The following KIF4A variants were observed in gnomAD, a reference collection of about 807,000 sequenced individuals.
KIF4A encodes chromosome-associated kinesin KIF4A.
KIF4A carries 7 observed loss-of-function variants against 105.9 expected under a neutral mutation model. The observed-to-expected ratio is 0.07, with a 90% confidence interval of 0.04 to 0.12. The LOEUF (loss-of-function observed/expected upper bound fraction) is 0.12. KIF4A is among the 10% of genes least tolerant of loss of function. The pLI is 1.00. For missense variants in KIF4A, 558 were observed against 929.2 expected (o/e 0.60, Z 5.19); for synonymous variants, 281 against 331.3 (o/e 0.85, Z 1.65).
At chrX:70,319,092 G>A (rs1256296313) in intron 7 of KIF4A, among the ~76,000 whole-genome samples, 8 of 110,950 alleles carry the variant, frequency 7.2e-5, no homozygotes, top group East Asian at 5.6e-4. Context: ...GTGAAACCCC[G>A]TCTCTACTAA....
At chrX:70,398,771 A>G (rs2147735800) in intron 22 of KIF4A, among the ~76,000 whole-genome samples, 1 of 112,223 alleles carries the variant, frequency 8.9e-6, no homozygotes, top group East Asian at 2.8e-4. Context: ...AGGACTCTAC[A>G]TTAGACCAGG....
At chrX:70,404,495 G>A (rs1238350297) in intron 24 of KIF4A, among the ~76,000 whole-genome samples, 5 of 104,077 alleles carry the variant, frequency 4.8e-5, no homozygotes, top group South Asian at 9.6e-4. Flanking sequence ...AGCCATGATC[G>A]TGCCATTGCA....
intron 20 of KIF4A, among the ~76,000 whole-genome samples, chrX:70,390,044 A>G (rs1395781581): frequency 8.9e-6 from 1 of 112,165 alleles, no homozygotes; most frequent in Non-Finnish European, 1.9e-5. Flanking sequence ...TCTCAGCAAC[A>G]TTTTAGTTTT....
chrX:70,332,054 A>G (rs1161580084), intron 9 of KIF4A, among the ~76,000 whole-genome samples: 3 of 112,241 alleles, frequency 2.7e-5, no homozygotes, highest in African/African-American at 9.7e-5. Flanking sequence ...ACCAGGTTTG[A>G]GGATACCAGA....
intron 15 of KIF4A, among the ~76,000 whole-genome samples, chrX:70,356,584 A>C (rs1039830998): frequency 8.9e-6 from 1 of 112,071 alleles, no homozygotes; most frequent in Admixed American, 9.5e-5. Context: ...CAAACAAAAA[A>C]CTTAATTTTT....
At chrX:70,292,748 TA>T (rs2085765999) in intron 3 of KIF4A, among the ~76,000 whole-genome samples, 1 of 112,142 alleles carries the variant, frequency 8.9e-6, no homozygotes, top group Non-Finnish European at 1.9e-5. Flanking sequence ...GACCCTGCAC[TA>T]TCTGGTCAGA....
At chrX:70,333,498 A>G in intron 9 of KIF4A, 130 bp from the exon 10 acceptor site, 2 of 483,681 alleles carry the variant, frequency 4.1e-6, no homozygotes, top group East Asian at 3.7e-5. Context: ...TATCTAAGGT[A>G]TGCTATCTGC....
At chrX:70,330,092 G>T in intron 8 of KIF4A, 65 bp from the exon 9 acceptor site, 1 of 998,621 alleles carries the variant, frequency 1.0e-6, no homozygotes, top group Non-Finnish European at 1.4e-6. Flanking sequence ...CGAATGGACG[G>T]CTTTGCTTAT....
chrX:70,406,711 T>C (rs1234372142), intron 27 of KIF4A, among the ~76,000 whole-genome samples, 182 bp from the exon 28 acceptor site: 1 of 111,853 alleles, frequency 8.9e-6, no homozygotes, highest in East Asian at 2.8e-4. Context: ...TCAAAGACTC[T>C]GCAAAGCCAT....
At chrX:70,341,728 A>G in intron 10 of KIF4A, 71 bp from the exon 11 acceptor site, 1 of 1,087,421 alleles carries the variant, frequency 9.2e-7, no homozygotes, top group Middle Eastern at 3.6e-4. Flanking sequence ...TATGGGATAT[A>G]TTTTTATCCA....
chrX:70,363,637 A>G (rs908288420), intron 15 of KIF4A, among the ~76,000 whole-genome samples: 2 of 112,076 alleles, frequency 1.8e-5, no homozygotes, highest in African/African-American at 6.5e-5. Flanking sequence ...AATCCAGTCT[A>G]TCATTGTTGG....
chrX:70,314,001 C>T (rs760422139), intron 7 of KIF4A, among the ~76,000 whole-genome samples: 33 of 111,958 alleles, frequency 2.9e-4, no homozygotes, highest in Non-Finnish European at 4.9e-4. Context: ...ATTACCAATT[C>T]CATCATCTGT....
intron 22 of KIF4A, among the ~76,000 whole-genome samples, chrX:70,397,491 C>A (rs768130122): frequency 1.2e-4 from 13 of 112,013 alleles, no homozygotes; most frequent in Admixed American, 3.8e-4. Context: ...TTCTCAGGAC[C>A]TCTTGAGACT....
intron 10 of KIF4A, among the ~76,000 whole-genome samples, chrX:70,338,057 CTTTG>C (rs750049799): frequency 1.1e-3 from 128 of 111,382 alleles, no homozygotes; most frequent in Admixed American, 5.8e-3. Flanking sequence ...TTGTCTTTTA[CTTTG>C]TTTATGATTT....
At chrX:70,371,726 A>G (rs1237577666) in intron 15 of KIF4A, among the ~76,000 whole-genome samples, 17 of 104,277 alleles carry the variant, frequency 1.6e-4, no homozygotes, top group Non-Finnish European at 2.4e-4. Context: ...TCCCTCCCGG[A>G]CGGGGCGGCT....
intron 15 of KIF4A, among the ~76,000 whole-genome samples, chrX:70,369,327 T>A (rs1388122651): frequency 8.9e-6 from 1 of 112,413 alleles, no homozygotes. Flanking sequence ...AAATCATTTG[T>A]CTTCTGCATT....
intron 13 of KIF4A, among the ~76,000 whole-genome samples, chrX:70,346,570 T>TGG (rs1157425464): frequency 3.6e-5 from 4 of 110,533 alleles, no homozygotes; most frequent in Non-Finnish European, 5.7e-5. Flanking sequence ...GTAGAGGGAG[T>TGG]TGCTAGTGGT....
rs2153233 is a variant in KIF4A, at chrX:70,307,887, A to C, written c.778+5489A>C. Among the ~76,000 whole-genome samples the C allele has an allele frequency of 3.0e-3, 331 of 111,783 alleles. 10 individuals carry two copies. The East Asian group carries it at 0.074, about 25-fold the overall frequency. On this transcript the variant is annotated intron_variant, in intron 7 of 30. Transcript: ENST00000374403. ...TCTCTGTTAATTTAGTGGTTACTTG[A>C]TGACTGGTCTCAGTTACTTAAATGC...
At chrX:70,375,873 A>G (rs746777291) in intron 17 of KIF4A, among the ~76,000 whole-genome samples, 13 of 111,646 alleles carry the variant, frequency 1.2e-4, no homozygotes, top group African/African-American at 4.2e-4. Context: ...GCTTGTAGGT[A>G]CATTTTTATT....
Sources: gnomAD v4.1 joint callset for allele counts (sites outside exome capture counted in the v4.1 genomes callset) on GRCh38, gnomAD v4.1.1 for gene constraint, MANE v1.5 for transcripts, NCBI Gene and HGNC (gene_info 2026-07-23, HGNC 2026-07-21) for gene names.